Variants in SSH1 observed in about 807,000 individuals in gnomAD.
SSH1 encodes the protein protein phosphatase Slingshot homolog 1.
In SSH1, 43 loss-of-function variants were observed where a neutral mutation model predicts 79.7. That is an observed-to-expected ratio of 0.54 (90% CI 0.42 to 0.70). SSH1 has a LOEUF of 0.70. Among genes scored for constraint, SSH1 ranks in the 30% least tolerant of loss-of-function variants. The pLI is 0.00. For missense variants in SSH1, 1,206 were observed against 1,358.8 expected (o/e 0.89, Z 1.77); for synonymous variants, 599 against 538.3 (o/e 1.11, Z -1.56).
rs149869758 is a variant in SSH1, at chr12:108,848,283, C to T, written c.110+4355G>A. Among the ~76,000 whole-genome samples the T allele has an allele frequency of 1.9e-3, 290 of 152,212 alleles. 4 individuals carry two copies. The highest frequency in any genetic ancestry group is 3.4e-3 in the Middle Eastern group (1 of 294). ...AAGAAGGCAGGTGGCTCGGAAGACC[C>T]GATCCATGTGACCCTGCAATTTATT... is the stretch of plus-strand genomic sequence containing the variant. On this transcript the variant is annotated intron_variant, in intron 2 of 14. Transcript: ENST00000326495.
chr12:108,824,404 C>T (rs557152592), intron 2 of SSH1, among the ~76,000 whole-genome samples: 1 of 151,222 alleles, frequency 6.6e-6, no homozygotes, highest in African/African-American at 2.4e-5. Context: ...GCCAAGATCG[C>T]ACCACGCACC....
Position 108,852,654 on chromosome 12 carries a change from G to T in SSH1, c.94C>A (p.Arg32=), listed in dbSNP as rs781740216. 6 of 1,614,008 alleles carry T rather than the reference G, an allele frequency of 3.7e-6. No homozygotes were observed. Among genetic ancestry groups the T allele is most frequent in the Non-Finnish European group, 3.4e-6 (4 of 1,180,032 alleles). The change falls in exon 2 of 15, where the codon CGA becomes AGA. Residue 32 remains arginine, a synonymous_variant. Transcript: ENST00000326495. ...SELEAGSEED[R]KLNLSLSESF... is the part of the protein sequence containing the mutation. Reference sequence around the variant, plus strand: ...TCTGCTTACCTGAGGTTTAATTTTCGATCTTCTTCGCTGCCAGCCTCCAAC... The same window carrying T: ...TCTGCTTACCTGAGGTTTAATTTTCTATCTTCTTCGCTGCCAGCCTCCAAC...
chr12:108,834,474 G>A (rs2038550134), intron 2 of SSH1: 1 of 152,272 alleles, frequency 6.6e-6, no homozygotes, highest in East Asian at 1.9e-4. Context: ...TCGGTCCTCT[G>A]TATCCGCGGG....
intron 2 of SSH1, among the ~76,000 whole-genome samples, chr12:108,846,829 T>C (rs550320278): frequency 2.0e-4 from 31 of 152,062 alleles, no homozygotes; most frequent in Non-Finnish European, 3.8e-4. Flanking sequence ...GAACTAACAC[T>C]GCACATCAGC....
rs1024938855 is a variant in SSH1 at position 108,787,844 on chromosome 12, C to T, written c.*144G>A. On this transcript the variant is annotated 3_prime_UTR_variant, in exon 15 of 15. Coordinates refer to ENST00000326495, the MANE Select transcript of SSH1 (RefSeq NM_018984.4). ...GTTGGTTAGTTTCTTCTCCTCCTCT[C>T]TATGGCAAGAGTAGGGGAAAAGTTA... The T allele has an allele frequency of 2.8e-6, 3 of 1,065,124 alleles. No individual in the cohort carries two copies. Among genetic ancestry groups the T allele is most frequent in the African/African-American group, 3.2e-5 (2 of 63,456 alleles). 66.0% of individuals were successfully genotyped at this position (1,065,124 alleles called of 1,614,324 possible). A position where few individuals can be genotyped will look rare whatever the true frequency, so the allele number is the denominator to read the frequency against.
At chr12:108,837,611 C>G (rs867497966) in intron 2 of SSH1, among the ~76,000 whole-genome samples, 2 of 152,088 alleles carry the variant, frequency 1.3e-5, no homozygotes, top group African/African-American at 2.4e-5. Context: ...TCAAAATTAA[C>G]GAGAATTTTT....
intron 2 of SSH1, among the ~76,000 whole-genome samples, chr12:108,847,793 A>C (rs2137279278): frequency 6.6e-6 from 1 of 152,282 alleles, no homozygotes; most frequent in Admixed American, 6.5e-5. Flanking sequence ...AAGGCAGAGA[A>C]ATGAGGCCGT....
chr12:108,826,028 G>A (rs1289349235), intron 2 of SSH1: 1 of 424,180 alleles, frequency 2.4e-6, no homozygotes, highest in Non-Finnish European at 4.6e-6. Context: ...GTTCATCGAA[G>A]CAGCTGGGAA....
intron 1 of SSH1, chr12:108,853,411 G>GCA: frequency 1.1e-6 from 1 of 924,298 alleles, no homozygotes; most frequent in Non-Finnish European, 1.3e-6. Flanking sequence ...AAACAACTCC[G>GCA]CACCGCTGGG....
rs1268611395 is a variant in SSH1, at chr12:108,779,357, AG to A, written c.*8630del. ...GAGCAAGAAGTGGGTCCAATTTCCC[AG>A]GGGCTGGGGGCTTCATCTCCAACTC... On this transcript the variant is annotated 3_prime_UTR_variant, in exon 15 of 15. Transcript: ENST00000326495. 1 of 152,208 alleles carries A rather than the reference AG, an allele frequency of 6.6e-6. No homozygotes were observed. Among genetic ancestry groups the A allele is most frequent in the Non-Finnish European group, 1.5e-5 (1 of 68,048 alleles). The allele number at this position is 152,208 out of a possible 1,614,324, so 9.4% of individuals were successfully genotyped here.
At chr12:108,835,220 C>T (rs2038571547) in intron 2 of SSH1, among the ~76,000 whole-genome samples, 1 of 152,160 alleles carries the variant, frequency 6.6e-6, no homozygotes, top group Admixed American at 6.5e-5. Flanking sequence ...CTAAGCACAT[C>T]AGGTATGTTA....
chr12:108,779,205 G>C lies in SSH1; in HGVS notation c.*8783C>G, dbSNP rs534957376. On this transcript the variant is annotated 3_prime_UTR_variant, in exon 15 of 15. Transcript: ENST00000326495. ...TGCTGAAGTGGTTTACAAAAAAAAG[G>C]AATTTCAGGTTGAAAATGGACTCTT... 1.3e-5 allele frequency: 2 copies of C among 152,310 alleles called. No homozygotes were observed. The highest frequency in any genetic ancestry group is 2.9e-5 in the Non-Finnish European group (2 of 68,010). The allele number at this position is 152,310 out of a possible 1,614,324, so 9.4% of individuals were successfully genotyped here.
chr12:108,788,290 G>T lies in SSH1; in HGVS notation c.2848C>A (p.Leu950Met), dbSNP rs779582834. Residue 950 changes from leucine to methionine, a missense_variant, in exon 15 of 15, where the codon CTG (leucine) becomes ATG (methionine). By Grantham distance (15) the Leu-to-Met change is conservative (BLOSUM62 2). This residue lies in a region of SSH1 where 709 missense variants were observed against 730.6 expected (regional missense o/e 0.97). Transcript: ENST00000326495. Reference protein sequence around the residue: ...SIHSVRGKPGLVKQRTQEIET... With the variant: ...SIHSVRGKPGMVKQRTQEIET... ...ATCTCCTGTGTCCGCTGCTTCACCA[G>T]CCCGGGCTTCCCACGGACACTGTGG... 2 of 1,613,632 alleles carry T rather than the reference G, an allele frequency of 1.2e-6. No homozygotes were observed. The highest frequency in any genetic ancestry group is 3.3e-5 in the Admixed American group (2 of 60,018).
At position 108,806,297 on chromosome 12, in the gene SSH1, T is replaced by A. The variant is rs771323428; in HGVS notation, c.825+4A>T. 25 of 1,613,986 alleles carry A rather than the reference T, an allele frequency of 1.5e-5. No homozygotes were observed. The highest frequency in any genetic ancestry group is 2.0e-5 in the Non-Finnish European group (24 of 1,179,840). On this transcript the variant is annotated splice_donor_region_variant and intron_variant, in intron 9 of 14. Transcript: ENST00000326495. ...ACCTGCAATGAAGGGAGGAGTTGTC[T>A]TACCTCTTTGGAAGTCACATTTTCT...
chr12:108,812,233 G>A (rs183713622), intron 5 of SSH1, among the ~76,000 whole-genome samples: 1 of 152,342 alleles, frequency 6.6e-6, no homozygotes, highest in African/African-American at 2.4e-5. Flanking sequence ...CCACTCTGGA[G>A]GGACTAACTA....
intron 13 of SSH1, among the ~76,000 whole-genome samples, chr12:108,795,262 C>CTT (rs1203964983): frequency 2.0e-5 from 3 of 146,612 alleles, no homozygotes; most frequent in Admixed American, 6.8e-5. Context: ...TCTTTAAAAA[C>CTT]TTTTTTTTTT....
chr12:108,816,917 A>C (rs1593078416), intron 5 of SSH1, 121 bp downstream of exon 5: 2 of 1,490,734 alleles, frequency 1.3e-6, no homozygotes, highest in South Asian at 1.1e-5. Context: ...TCGACTCCCC[A>C]GGCTCTCCAT....
Position 108,809,631 on chromosome 12 carries a change from A to G in SSH1, c.536+62T>C. ...GCTTCTTGGTAGAAGGGGTTTTTCT[A>G]TTCATGCTGTCGGCTAAGAAAATAT... On this transcript the variant is annotated intron_variant, in intron 7 of 14. Transcript: ENST00000326495. 2.8e-6 allele frequency: 4 copies of G among 1,443,708 alleles called. No individual in the cohort carries two copies. The East Asian group carries it at 9.1e-5, about 33-fold the overall frequency. The allele number at this position is 1,443,708 out of a possible 1,614,324, so 89.4% of individuals were successfully genotyped here.
chr12:108,853,126 C>G (rs1430036170), intron 1 of SSH1: 11 of 985,268 alleles, frequency 1.1e-5, no homozygotes, highest in Non-Finnish European at 1.3e-5. Context: ...AAAACCAACC[C>G]AGGCAAGACT....
Sources: allele counts gnomAD v4.1 joint callset (sites outside exome capture counted in the v4.1 genomes callset), GRCh38; gene constraint gnomAD v4.1.1; regional missense constraint gnomAD v4.1.1; transcripts MANE v1.5; gene names NCBI Gene and HGNC (gene_info 2026-07-23, HGNC 2026-07-21).